The following SEMA5B variants were observed in gnomAD, a reference collection of about 807,000 sequenced individuals.
SEMA5B encodes the protein semaphorin-5B.
Under a neutral mutation model 135.0 loss-of-function variants are expected in SEMA5B, and 66 were observed. The observed-to-expected ratio is 0.49, with a 90% confidence interval of 0.40 to 0.60. SEMA5B has a LOEUF of 0.60. Ranked by LOEUF, SEMA5B falls within the 20% of genes least tolerant of loss-of-function variation. The pLI, the probability that SEMA5B is intolerant of heterozygous loss-of-function variation, is 0.00. For missense variants in SEMA5B, 1,501 were observed against 1,566.3 expected, an observed-to-expected ratio of 0.96 and a Z score of 0.70; for synonymous variants, 690 against 639.5, an observed-to-expected ratio of 1.08 and a Z score of -1.19.
chr3:122,943,342 G>T, intron 4 of SEMA5B, 94 bp downstream of exon 4: 1 of 826,690 alleles, frequency 1.2e-6, no homozygotes. Flanking sequence ...CCCAGCACGC[G>T]GGGCTGCCCA....
At position 122,946,288 on chromosome 3, in the gene SEMA5B, C is replaced by A. The variant is rs1240275606; in HGVS notation, c.328+2218G>T. Among the ~76,000 whole-genome samples the A allele has an allele frequency of 2.6e-5, 4 of 152,126 alleles. No homozygotes were observed. In the East Asian group the frequency reaches 7.7e-4, roughly 29 times the overall value. ...CTTGGCCCCCCTTAAGAGAAACCCA[C>A]AGGGGAAAATTTAGCCTTACAAAAC... On this transcript the variant is annotated intron_variant, in intron 3 of 22. Coordinates refer to ENST00000357599, the MANE Select transcript of SEMA5B (RefSeq NM_001031702.4).
chr3:122,935,598 G>A (rs544824191), intron 5 of SEMA5B, among the ~76,000 whole-genome samples: 1 of 151,652 alleles, frequency 6.6e-6, no homozygotes, highest in East Asian at 1.9e-4. Context: ...CCAATTCTGG[G>A]GCCCTTCTGA....
At chr3:122,925,518 A>C (rs1346743779) in intron 9 of SEMA5B, among the ~76,000 whole-genome samples, 1 of 151,922 alleles carries the variant, frequency 6.6e-6, no homozygotes, top group Non-Finnish European at 1.5e-5. Context: ...AATACAAAAA[A>C]TTAGCCAGGC....
intron 1 of SEMA5B, 88 bp from the exon 2 acceptor site, chr3:122,961,389 G>A: frequency 5.9e-6 from 7 of 1,189,032 alleles, no homozygotes; most frequent in Non-Finnish European, 8.3e-6. Context: ...ACTGCCCCAG[G>A]GACCACATGG....
At chr3:122,926,334 T>A in intron 9 of SEMA5B, 58 bp downstream of exon 9, 1 of 1,519,160 alleles carries the variant, frequency 6.6e-7, no homozygotes, top group Admixed American at 1.8e-5. Flanking sequence ...CACCAGGCCA[T>A]GAGGCCAGGC....
intron 10 of SEMA5B, 148 bp downstream of exon 10, chr3:122,923,469 G>T (rs1938473259): frequency 4.7e-6 from 4 of 853,308 alleles, no homozygotes; most frequent in African/African-American, 3.3e-5. Flanking sequence ...TACCCTCAGG[G>T]AACCATTGTG....
chr3:122,961,976 C>G (rs538127129), intron 1 of SEMA5B, among the ~76,000 whole-genome samples: 3 of 152,280 alleles, frequency 2.0e-5, no homozygotes, highest in South Asian at 4.1e-4. Context: ...AATCTCTAAC[C>G]CTTCTTCCGC....
intron 1 of SEMA5B, among the ~76,000 whole-genome samples, chr3:122,987,948 C>T (rs762899002): frequency 3.3e-5 from 5 of 152,024 alleles, no homozygotes; most frequent in Non-Finnish European, 5.9e-5. Flanking sequence ...GGTTACTTAC[C>T]GCAAGTTGGA....
intron 1 of SEMA5B, among the ~76,000 whole-genome samples, chr3:122,987,454 T>G (rs1319164679): frequency 1.3e-5 from 2 of 152,064 alleles, no homozygotes; most frequent in Non-Finnish European, 2.9e-5. Context: ...CTGCAAGAGG[T>G]CCTCTCCCTC....
At chr3:122,917,876 C>A (rs1290388233) in intron 12 of SEMA5B, among the ~76,000 whole-genome samples, 1 of 146,358 alleles carries the variant, frequency 6.8e-6, no homozygotes, top group Non-Finnish European at 1.5e-5. Flanking sequence ...GTCCATCAAA[C>A]TGGACATCGT....
At chr3:122,962,370 TGGAGGAACATC>T (rs1940623446) in intron 1 of SEMA5B, among the ~76,000 whole-genome samples, 1 of 152,128 alleles carries the variant, frequency 6.6e-6, no homozygotes, top group Non-Finnish European at 1.5e-5. Flanking sequence ...GAGCTACTGC[TGGAGGAACATC>T]GGGAAGCCCG....
chr3:122,952,860 C>T (rs978762318), intron 2 of SEMA5B, among the ~76,000 whole-genome samples: 2 of 152,158 alleles, frequency 1.3e-5, no homozygotes, highest in African/African-American at 4.8e-5. Flanking sequence ...GACCAGAGCT[C>T]GTCTGCTTCC....
intron 1 of SEMA5B, among the ~76,000 whole-genome samples, chr3:122,977,369 A>G (rs1168153034): frequency 6.6e-6 from 1 of 152,378 alleles, no homozygotes; most frequent in East Asian, 1.9e-4. Context: ...CTTTAGCATA[A>G]GTGCATCCCA....
chr3:122,957,509 A>G (rs539586558), intron 2 of SEMA5B, among the ~76,000 whole-genome samples: 3 of 152,338 alleles, frequency 2.0e-5, no homozygotes, highest in Admixed American at 1.3e-4. Context: ...GTAACCTCAC[A>G]CTTCTTTTCT....
At chr3:123,017,943 G>C (rs1430340513) in intron 1 of SEMA5B, among the ~76,000 whole-genome samples, 1 of 151,320 alleles carries the variant, frequency 6.6e-6, no homozygotes, top group African/African-American at 2.4e-5. Context: ...AGGATTTTTT[G>C]CTGGACCCCA....
At position 122,923,698 on chromosome 3, in the gene SEMA5B, C is replaced by G; in HGVS notation, c.1191G>C (p.Gln397His). Residue 397 changes from glutamine (Q) to histidine (H), a missense_variant, in exon 10 of 23, where the codon CAG becomes CAC. Gln to His is a conservative substitution (Grantham distance 24, BLOSUM62 0). Coordinates refer to ENST00000357599, the MANE Select transcript of SEMA5B (RefSeq NM_001031702.4). Reference protein sequence around the residue: ...VCAFNLSAISQAFNGPFRYQE... With the variant: ...VCAFNLSAISHAFNGPFRYQE... ...GGTAGCGAAATGGGCCATTGAAAGC[C>G]TGGGAGATAGCACTGAGGTTGAAGG... 6.2e-7 allele frequency: 1 copy of G among 1,614,118 alleles called. No individual in the cohort carries two copies.
chr3:122,990,103 CTGAT>C (rs1183057547), intron 1 of SEMA5B, among the ~76,000 whole-genome samples: 3 of 152,144 alleles, frequency 2.0e-5, no homozygotes, highest in Non-Finnish European at 4.4e-5. Flanking sequence ...GCCCAGCAGG[CTGAT>C]TAAGAGATGA....
intron 1 of SEMA5B, among the ~76,000 whole-genome samples, chr3:123,000,514 C>T (rs144755267): frequency 5.3e-4 from 81 of 152,286 alleles, no homozygotes; most frequent in African/African-American, 1.9e-3. Flanking sequence ...ATGCACCTGG[C>T]ACTGTCCAGA....
chr3:122,926,269 T>C (rs1378384713), intron 9 of SEMA5B, 123 bp downstream of exon 9: 1 of 947,338 alleles, frequency 1.1e-6, no homozygotes, highest in Non-Finnish European at 1.6e-6. Flanking sequence ...AGTCACAAAA[T>C]CCTCAGATGA....
Sources: allele counts gnomAD v4.1 joint callset (sites outside exome capture counted in the v4.1 genomes callset), GRCh38; gene constraint gnomAD v4.1.1; transcripts MANE v1.5; gene names NCBI Gene and HGNC (gene_info 2026-07-23, HGNC 2026-07-21).